Variants in DENND5B observed in about 807,000 individuals in gnomAD.
The protein encoded by DENND5B is DENN domain-containing protein 5B.
Under a neutral mutation model 140.6 loss-of-function variants are expected in DENND5B, and 34 were observed. That is an observed-to-expected ratio of 0.24 (90% CI 0.18 to 0.32). DENND5B has a LOEUF of 0.32. Among genes scored for constraint, DENND5B ranks in the 10% least tolerant of loss-of-function variants. The pLI, the probability that DENND5B is intolerant of heterozygous loss-of-function variation, is 1.00. For synonymous variants in DENND5B, 551 were observed against 562.1 expected, an observed-to-expected ratio of 0.98 and a Z score of 0.28; for missense variants, 1,142 against 1,560.2, an observed-to-expected ratio of 0.73 and a Z score of 4.52.
chr12:31,568,447 A>T (rs902684607), intron 1 of DENND5B, among the ~76,000 whole-genome samples: 4 of 152,224 alleles, frequency 2.6e-5, no homozygotes, highest in African/African-American at 9.6e-5. Flanking sequence ...TATAGTTTTC[A>T]TCCCAAATTA....
intron 17 of DENND5B, among the ~76,000 whole-genome samples, chr12:31,396,785 TTAA>T (rs1423024569): frequency 6.6e-6 from 1 of 151,808 alleles, no homozygotes. Context: ...ACATGCCTGG[TTAA>T]TTTTTGTTTT....
intron 1 of DENND5B, among the ~76,000 whole-genome samples, chr12:31,543,318 G>GT (rs1355868768): frequency 5.9e-5 from 9 of 152,122 alleles, no homozygotes; most frequent in African/African-American, 2.2e-4. Context: ...GATGTGTGTG[G>GT]TATCACTCCT....
intron 9 of DENND5B, among the ~76,000 whole-genome samples, chr12:31,425,567 C>CA (rs1460859334): frequency 2.0e-5 from 3 of 151,918 alleles, no homozygotes; most frequent in African/African-American, 2.4e-5. Flanking sequence ...AAGCATGCAC[C>CA]AAAAAATGGA....
intron 7 of DENND5B, 47 bp from the exon 8 acceptor site, chr12:31,433,295 A>C (rs370517536): frequency 6.5e-7 from 1 of 1,549,056 alleles, no homozygotes; most frequent in Non-Finnish European, 8.8e-7. Flanking sequence ...TCTTTAAAAT[A>C]GAAAGCATTA....
rs189456209 is a variant in DENND5B, at chr12:31,411,405, C to T, written c.2682-2021G>A. 3.4e-3 allele frequency among the ~76,000 whole-genome samples: 464 copies of T among 136,262 alleles called. 4 individuals carry two copies. The highest frequency in any genetic ancestry group is 0.015 in the Middle Eastern group (3 of 202). 89.4% of individuals were successfully genotyped at this position (136,262 alleles called of 152,430 possible). A position where few individuals can be genotyped will look rare whatever the true frequency, so the allele number is the denominator to read the frequency against. Reference sequence around the variant, plus strand: ...TACCAGGCTGGATGGAGTGCAGTGGCGCGATCTCGGCTCACTGCAACTTCC... The same window carrying T: ...TACCAGGCTGGATGGAGTGCAGTGGTGCGATCTCGGCTCACTGCAACTTCC... On this transcript the variant is annotated intron_variant, in intron 13 of 20. Transcript: ENST00000389082.
intron 9 of DENND5B, among the ~76,000 whole-genome samples, chr12:31,425,622 T>C (rs1160456940): frequency 6.6e-6 from 1 of 152,210 alleles, no homozygotes; most frequent in Non-Finnish European, 1.5e-5. Context: ...TGCATCAGTC[T>C]TAGTAGCTTT....
intron 1 of DENND5B, among the ~76,000 whole-genome samples, chr12:31,511,212 C>A (rs1374510664): frequency 6.6e-6 from 1 of 152,086 alleles, no homozygotes; most frequent in African/African-American, 2.4e-5. Flanking sequence ...GTACTCCAGC[C>A]TGGGTGTCAG....
chr12:31,488,314 G>GA (rs972199657), intron 2 of DENND5B, among the ~76,000 whole-genome samples: 4 of 152,078 alleles, frequency 2.6e-5, no homozygotes, highest in African/African-American at 9.7e-5. Context: ...AGGCAATACA[G>GA]AAACATAGTG....
intron 2 of DENND5B, among the ~76,000 whole-genome samples, chr12:31,481,518 G>T (rs924007291): frequency 6.6e-6 from 1 of 152,210 alleles, no homozygotes; most frequent in Non-Finnish European, 1.5e-5. Flanking sequence ...CATTAGAAAA[G>T]AAGGAGCTAC....
chr12:31,487,053 T>C (rs1036524021), intron 2 of DENND5B, among the ~76,000 whole-genome samples: 3 of 152,150 alleles, frequency 2.0e-5, no homozygotes, highest in Admixed American at 2.0e-4. Context: ...TAACAGGTGG[T>C]GACTGATAAC....
rs184536851 is a variant in DENND5B at position 31,469,190 on chromosome 12, T to C, written c.905-8809A>G. Among the ~76,000 whole-genome samples the C allele has an allele frequency of 1.5e-3, 228 of 151,706 alleles. 1 individual carries two copies. Among genetic ancestry groups the C allele is most frequent in the Admixed American group, 3.5e-3 (54 of 15,216 alleles). ...CTCTACTAAAAATACAAAAATTAGCTAGCTGTGGTGGCATGTGCCTGTAAT... is the reference window on the plus strand; with the variant it reads ...CTCTACTAAAAATACAAAAATTAGCCAGCTGTGGTGGCATGTGCCTGTAAT... On this transcript the variant is annotated intron_variant, in intron 3 of 20. Coordinates refer to ENST00000389082, the MANE Select transcript of DENND5B (RefSeq NM_144973.4).
intron 14 of DENND5B, among the ~76,000 whole-genome samples, chr12:31,407,631 T>C (rs1593083738): frequency 6.6e-6 from 1 of 152,188 alleles, no homozygotes; most frequent in East Asian, 1.9e-4. Flanking sequence ...TGAGATTTTT[T>C]GGAAAATTAT....
At chr12:31,566,935 A>G (rs1949653051) in intron 1 of DENND5B, among the ~76,000 whole-genome samples, 1 of 152,198 alleles carries the variant, frequency 6.6e-6, no homozygotes, top group African/African-American at 2.4e-5. Context: ...CTAAGGCAGG[A>G]GAACTGCTTG....
chr12:31,448,862 C>CAA (rs757153363), intron 5 of DENND5B, among the ~76,000 whole-genome samples: 1 of 152,176 alleles, frequency 6.6e-6, no homozygotes, highest in South Asian at 2.1e-4. Context: ...AACAAACAAA[C>CAA]AAAAACAAAT....
intron 13 of DENND5B, among the ~76,000 whole-genome samples, chr12:31,411,287 C>T (rs1942447064): frequency 6.6e-6 from 1 of 151,276 alleles, no homozygotes; most frequent in African/African-American, 2.4e-5. Context: ...ATCCACCCGC[C>T]TCGGCCTCCC....
At chr12:31,484,036 A>T (rs955727162) in intron 2 of DENND5B, among the ~76,000 whole-genome samples, 7 of 151,016 alleles carry the variant, frequency 4.6e-5, no homozygotes, top group East Asian at 2.0e-4. Flanking sequence ...TGTTTTTAGT[A>T]GAGACGGGGT....
At chr12:31,555,614 A>G (rs1216176733) in intron 1 of DENND5B, among the ~76,000 whole-genome samples, 1 of 152,204 alleles carries the variant, frequency 6.6e-6, no homozygotes, top group Non-Finnish European at 1.5e-5. Flanking sequence ...TGTAGAGGTT[A>G]CTGCTGTCTT....
chr12:31,432,050 C>T (rs1359478544), intron 8 of DENND5B: 1 of 984,914 alleles, frequency 1.0e-6, no homozygotes, highest in Non-Finnish European at 1.2e-6. Flanking sequence ...TACCAGGCAG[C>T]ACTCAGAGAA....
At chr12:31,462,776 T>C (rs1945078973) in intron 3 of DENND5B, among the ~76,000 whole-genome samples, 1 of 152,130 alleles carries the variant, frequency 6.6e-6, no homozygotes, top group Admixed American at 6.6e-5. Context: ...CTGGCCAACA[T>C]GGTGAAACCC....
Sources: gnomAD v4.1 joint callset for allele counts (sites outside exome capture counted in the v4.1 genomes callset) on GRCh38, gnomAD v4.1.1 for gene constraint, MANE v1.5 for transcripts, NCBI Gene and HGNC (gene_info 2026-07-23, HGNC 2026-07-21) for gene names.